ZFHX3: variants seen among roughly 807,000 people sequenced by gnomAD.
ZFHX3 encodes the protein zinc finger homeobox 3.
ZFHX3 carries 42 observed loss-of-function variants against 279.1 expected under a neutral mutation model. The observed-to-expected ratio is 0.15, with a 90% CI of 0.12 to 0.19. The LOEUF is 0.19. Among genes scored for constraint, ZFHX3 ranks in the 10% least tolerant of loss-of-function variants. The pLI is 1.00. For synonymous variants in ZFHX3, 2,293 were observed against 1,957.8 expected, an observed-to-expected ratio of 1.17 and a Z score of -4.52; for missense variants, 4,981 against 4,754.0, an observed-to-expected ratio of 1.05 and a Z score of -1.40.
Position 72,793,441 on chromosome 16 carries a change from A to G in ZFHX3, c.9241T>C (p.Leu3081=), listed in dbSNP as rs1435666095. 2 of 1,613,980 alleles carry G rather than the reference A, an allele frequency of 1.2e-6. No individual in the cohort carries two copies. Among genetic ancestry groups the G allele is most frequent in the African/African-American group, 1.3e-5 (1 of 74,950 alleles). ...TVRQLMAQQE[L]DRIKKANEVL... is the part of the protein sequence containing the mutation. The stretch of plus-strand genomic sequence containing the variant: ...TCGTTGGCCTTTTTAATCCGGTCCA[A>G]CTCTTGTTGAGCCATCAACTGACGT... Residue 3081 remains leucine (L), a synonymous_variant, in exon 9 of 10, where the codon TTG becomes CTG. Coordinates refer to ENST00000268489, the MANE Select transcript of ZFHX3 (RefSeq NM_006885.4). The surrounding 1 kb of genome is among the most constrained non-coding windows in gnomAD (Gnocchi z 4.3).
At chr16:73,105,926 C>T (rs1024123944) in intron 7 of ZFHX3, among the ~76,000 whole-genome samples, 5 of 95,034 alleles carry the variant, frequency 5.3e-5, no homozygotes, top group African/African-American at 1.3e-4. Flanking sequence ...TATATGTACA[C>T]GGACCCCCTC....
At chr16:73,324,088 A>G (rs2015632610) in intron 3 of ZFHX3, among the ~76,000 whole-genome samples, 1 of 152,198 alleles carries the variant, frequency 6.6e-6, no homozygotes, top group Non-Finnish European at 1.5e-5. Flanking sequence ...AGCTGACAAG[A>G]GCCTTTGAGC....
intron 3 of ZFHX3, among the ~76,000 whole-genome samples, chr16:73,370,757 C>G (rs1196454019): frequency 2.0e-5 from 3 of 152,252 alleles, no homozygotes; most frequent in Non-Finnish European, 4.4e-5. Context: ...GTCATGGACA[C>G]TGCTGGCTCC....
intron 1 of ZFHX3, among the ~76,000 whole-genome samples, chr16:72,985,098 A>C (rs561386701): frequency 3.4e-4 from 52 of 152,282 alleles, no homozygotes; most frequent in African/African-American, 1.2e-3. Context: ...ACGTCACTTA[A>C]TACTACGTAA....
At chr16:73,247,357 T>A (rs2013316827) in intron 5 of ZFHX3, among the ~76,000 whole-genome samples, 1 of 152,134 alleles carries the variant, frequency 6.6e-6, no homozygotes, top group Non-Finnish European at 1.5e-5. Context: ...AACGTATTTG[T>A]GTGTCTATGT....
intron 3 of ZFHX3, among the ~76,000 whole-genome samples, chr16:72,947,099 G>A (rs1327129170): frequency 3.3e-5 from 5 of 152,200 alleles, no homozygotes; most frequent in African/African-American, 1.2e-4. Context: ...GCCGGCCACT[G>A]TTTCAACCCA....
chr16:73,026,541 G>A (rs929575570), intron 1 of ZFHX3, among the ~76,000 whole-genome samples: 1 of 151,758 alleles, frequency 6.6e-6, no homozygotes, highest in Non-Finnish European at 1.5e-5. Flanking sequence ...CATGGTGGCA[G>A]GCACCTGTAA....
intron 1 of ZFHX3, among the ~76,000 whole-genome samples, chr16:73,880,479 T>G (rs2030110225): frequency 6.6e-6 from 1 of 152,158 alleles, no homozygotes; most frequent in Non-Finnish European, 1.5e-5. Flanking sequence ...CTTTTAAAAA[T>G]TATCACTCTG....
In ZFHX3 at chr16:73,546,728, CTGCTGCTGT is replaced by C. The variant is rs2020119374; in HGVS notation, c.-1546-90479_-1546-90471del. On this transcript the variant is annotated intron_variant, in intron 2 of 17. Transcript: ENST00000641206. Reference sequence around the variant, plus strand: ...GCTGCTGCTGCTGCTGCTGCTGCTGCTGCTGCTGTTGCTTCTTTTTCGGCTTCTTCTTCT... The same window carrying C: ...GCTGCTGCTGCTGCTGCTGCTGCTGCTGCTTCTTTTTCGGCTTCTTCTTCT... 1.3e-4 allele frequency among the ~76,000 whole-genome samples: 17 copies of C among 134,654 alleles called. No homozygotes were observed. The South Asian group carries it at 3.8e-3, about 30-fold the overall frequency. 88.3% of individuals were successfully genotyped at this position (134,654 alleles called of 152,430 possible).
At position 73,481,562 on chromosome 16, in the gene ZFHX3, G is replaced by A. The variant is rs1348103683; in HGVS notation, c.-1546-25304C>T. On this transcript the variant is annotated intron_variant, in intron 2 of 17. Transcript: ENST00000641206. ...GATCCCCCCTACCCCAACCTCCAGA[G>A]TAGCTGGGACCACAGGTGCATGCCA... Among the ~76,000 whole-genome samples the A allele has an allele frequency of 3.3e-5, 5 of 152,192 alleles. No homozygotes were observed. The East Asian group carries it at 7.8e-4, about 24-fold the overall frequency.
intron 1 of ZFHX3, among the ~76,000 whole-genome samples, chr16:73,880,720 T>C (rs2030118449): frequency 6.6e-6 from 1 of 152,164 alleles, no homozygotes; most frequent in African/African-American, 2.4e-5. Flanking sequence ...GAACACAAAA[T>C]AATTTTGCAG....
intron 3 of ZFHX3, among the ~76,000 whole-genome samples, chr16:72,935,915 A>G (rs1960098887): frequency 6.6e-6 from 1 of 152,196 alleles, no homozygotes; most frequent in Non-Finnish European, 1.5e-5. Flanking sequence ...GGTCTATCAT[A>G]AGAATGGGAA....
At chr16:73,335,275 T>C (rs907799411) in intron 3 of ZFHX3, among the ~76,000 whole-genome samples, 2 of 152,182 alleles carry the variant, frequency 1.3e-5, no homozygotes, top group Non-Finnish European at 2.9e-5. Flanking sequence ...AGGTTTATTT[T>C]CCCTATGACT....
At chr16:72,884,763 AG>A (rs1360974257) in intron 4 of ZFHX3, among the ~76,000 whole-genome samples, 14 of 152,324 alleles carry the variant, frequency 9.2e-5, no homozygotes, top group African/African-American at 3.1e-4. Context: ...ATAAGCAAAC[AG>A]GGAAGCTGAT....
At chr16:73,222,873 A>C (rs1210668655) in intron 5 of ZFHX3, among the ~76,000 whole-genome samples, 1 of 152,192 alleles carries the variant, frequency 6.6e-6, no homozygotes, top group African/African-American at 2.4e-5. Flanking sequence ...AAGATAGACA[A>C]ATAGATCACT....
chr16:73,073,063 A>AT (rs892298522), intron 8 of ZFHX3, among the ~76,000 whole-genome samples: 10 of 148,446 alleles, frequency 6.7e-5, no homozygotes, highest in African/African-American at 2.5e-4. Context: ...TGCCCGGCTA[A>AT]TTTTTTCTAT....
chr16:73,488,513 C>A (rs143129685), intron 2 of ZFHX3, among the ~76,000 whole-genome samples: 3 of 152,102 alleles, frequency 2.0e-5, no homozygotes, highest in Non-Finnish European at 4.4e-5. Flanking sequence ...GGTATTGACA[C>A]GGATGGAAAC....
At chr16:73,331,133 A>G (rs28428753) in intron 3 of ZFHX3, among the ~76,000 whole-genome samples, 3,080 of 152,274 alleles carry the variant, frequency 0.02, 110 homozygotes, top group African/African-American at 0.07. Context: ...AAGCAAACAC[A>G]CCCTTCTTCA....
At chr16:73,290,369 G>A (rs898085418) in intron 4 of ZFHX3, among the ~76,000 whole-genome samples, 3 of 152,190 alleles carry the variant, frequency 2.0e-5, no homozygotes, top group South Asian at 2.1e-4. Context: ...AAGCTGAGAT[G>A]GAAAAGATGA....
Sources: allele counts gnomAD v4.1 joint callset (sites outside exome capture counted in the v4.1 genomes callset), GRCh38; gene constraint gnomAD v4.1.1; non-coding constraint Gnocchi (gnomAD v3.1); transcripts MANE v1.5; gene names NCBI Gene and HGNC (gene_info 2026-07-23, HGNC 2026-07-21).